Variants in NR2E3 observed in about 807,000 individuals in gnomAD.
The protein encoded by NR2E3 is nuclear receptor subfamily 2 group E member 3.
NR2E3 carries 38 observed loss-of-function variants against 37.6 expected under a neutral mutation model. That is an observed-to-expected ratio of 1.01 (90% CI 0.78 to 1.33). NR2E3 has a LOEUF of 1.33. NR2E3 is among the 40% of genes most tolerant of loss of function. NR2E3 has a pLI of 0.00. For missense variants in NR2E3, 562 were observed against 558.7 expected, an observed-to-expected ratio of 1.01 and a Z score of -0.06; for synonymous variants, 235 against 225.1, an observed-to-expected ratio of 1.04 and a Z score of -0.39.
At position 71,812,482 on chromosome 15, in the gene NR2E3, G is replaced by A; in HGVS notation, c.718G>A (p.Val240Met). The A allele has an allele frequency of 1.2e-6, 2 of 1,613,162 alleles. No individual in the cohort carries two copies. The highest frequency in any genetic ancestry group is 1.7e-4 in the Middle Eastern group (1 of 6,058). The change falls in exon 5 of 8, where the codon GTG (valine) becomes ATG (methionine). Residue 240 changes from valine to methionine, a missense_variant. Coordinates refer to ENST00000617575, the MANE Select transcript of NR2E3 (RefSeq NM_014249.4). ...MAVKWAKNLP[V>M]FSSLPFRDQV... Reference sequence around the variant, plus strand: ...CGTCAAGTGGGCCAAGAACCTGCCTGTGTTCTCCAGCCTGCCCTTCCGGGA... The same window carrying A: ...CGTCAAGTGGGCCAAGAACCTGCCTATGTTCTCCAGCCTGCCCTTCCGGGA...
chr15:71,811,623 G>T lies in NR2E3; in HGVS notation c.245+14G>T. ...GCTCATCTACAGGTGAGTGCGGTGG[G>T]CCCTGCTGGGCGTCTGCCCCTGAGG... On this transcript the variant is annotated intron_variant, in intron 2 of 7. Coordinates refer to ENST00000617575, the MANE Select transcript of NR2E3 (RefSeq NM_014249.4). This position sits in a 1 kb window ranked among gnomAD's most constrained non-coding sequence, Gnocchi z 5.6. The T allele has an allele frequency of 1.3e-6, 2 of 1,599,604 alleles. No individual in the cohort carries two copies. Among genetic ancestry groups the T allele is most frequent in the Admixed American group, 1.7e-5 (1 of 57,792 alleles).
intron 4 of NR2E3, 23 bp downstream of exon 4, chr15:71,812,199 G>A (rs1443309215): frequency 6.3e-7 from 1 of 1,598,356 alleles, no homozygotes; most frequent in Non-Finnish European, 8.5e-7. Flanking sequence ...GCAGCTGAGG[G>A]CACAGCAGGG....
chr15:71,812,332 A>G lies in NR2E3; in HGVS notation c.572-4A>G. On this transcript the variant is annotated splice_polypyrimidine_tract_variant and splice_region_variant and intron_variant, in intron 4 of 7. Transcript: ENST00000617575. ...GCTAAGATCACAACCTCCTCCTCCAACAGCTGATGAGAATATTGATGTCAC... is the reference window on the plus strand; with the variant it reads ...GCTAAGATCACAACCTCCTCCTCCAGCAGCTGATGAGAATATTGATGTCAC... 1.2e-6 allele frequency: 2 copies of G among 1,613,564 alleles called. No individual in the cohort carries two copies. The highest frequency in any genetic ancestry group is 1.7e-6 in the Non-Finnish European group (2 of 1,179,752).
At position 71,812,519 on chromosome 15, in the gene NR2E3, C is replaced by T. The variant is rs372609616; in HGVS notation, c.747+8C>T. On this transcript the variant is annotated splice_region_variant and intron_variant, in intron 5 of 7. Coordinates refer to ENST00000617575, the MANE Select transcript of NR2E3 (RefSeq NM_014249.4). ...CTGCCCTTCCGGGATCAGGTACCTA[C>T]CGGCCTGCCTGCTGGGGAGCTAGGC... is the stretch of plus-strand genomic sequence containing the variant. 2.3e-5 allele frequency: 36 copies of T among 1,599,716 alleles called. No homozygotes were observed. Among genetic ancestry groups the T allele is most frequent in the South Asian group, 1.0e-4 (9 of 88,652 alleles).
rs1278324519 is a variant in NR2E3, at chr15:71,817,682, T to G, written c.1231T>G (p.Ter411GluextTer5). 3 of 1,595,922 alleles carry G rather than the reference T, an allele frequency of 1.9e-6. No individual in the cohort carries two copies. Among genetic ancestry groups the G allele is most frequent in the Non-Finnish European group, 2.6e-6 (3 of 1,165,178 alleles). ...GCTCCTTTGTGATATGTTCAAAAAC[T>G]AGTGGGGGTGGAGGTGAAATGTTTC... is the stretch of plus-strand genomic sequence containing the variant. ...EKLLCDMFKN[*>E] Residue 411 changes from the stop codon to glutamate (E), a stop_lost, in exon 8 of 8, where the codon TAG (stop) becomes GAG (glutamate). Transcript: ENST00000617575.
Position 71,813,051 on chromosome 15 carries a change from G to A in NR2E3, c.748-338G>A, listed in dbSNP as rs1402053060. On this transcript the variant is annotated intron_variant, in intron 5 of 7. Transcript: ENST00000617575. The surrounding 1 kb of genome is among the most constrained non-coding windows in gnomAD (Gnocchi z 4.7). ...CCTCAGCCAGTCTGTGTGCTGGGGT[G>A]GAGCAACTCAGAAGAGTCAGGCCAC... Among the ~76,000 whole-genome samples, 2 of 152,204 alleles carry A rather than the reference G, an allele frequency of 1.3e-5. No individual in the cohort carries two copies. Among genetic ancestry groups the A allele is most frequent in the African/African-American group, 2.4e-5 (1 of 41,456 alleles).
chr15:71,817,466 C>G (rs1291750524), intron 7 of NR2E3, 86 bp from the exon 8 acceptor site: 1 of 1,478,696 alleles, frequency 6.8e-7, no homozygotes, highest in Non-Finnish European at 9.1e-7. Context: ...CTCCTTCCTC[C>G]CCTCCCTTTC....
At position 71,811,850 on chromosome 15, in the gene NR2E3, G is replaced by A; in HGVS notation, c.330G>A (p.Gln110=). Residue 110 remains glutamine (Q), a synonymous_variant, in exon 3 of 8, where the codon CAG becomes CAA. Transcript: ENST00000617575. The surrounding 1 kb of genome is among the most constrained non-coding windows in gnomAD (Gnocchi z 5.6). Reference sequence around the variant, plus strand: ...CCTGCCGGCTGAAGAAGTGCCTGCAGGCGGGGATGAACCAGGACGGTGAGG... The same window carrying A: ...CCTGCCGGCTGAAGAAGTGCCTGCAAGCGGGGATGAACCAGGACGGTGAGG... The part of the protein sequence containing the change: ...CQACRLKKCL[Q]AGMNQDAVQN... The A allele has an allele frequency of 6.4e-7, 1 of 1,551,374 alleles. No individual in the cohort carries two copies. Among genetic ancestry groups the A allele is most frequent in the Non-Finnish European group, 8.7e-7 (1 of 1,147,002 alleles).
At chr15:71,817,300 A>G (rs1437123501) in intron 7 of NR2E3, among the ~76,000 whole-genome samples, 1 of 151,790 alleles carries the variant, frequency 6.6e-6, no homozygotes, top group African/African-American at 2.4e-5. Flanking sequence ...GGGTTTCACC[A>G]TGTTAGCCAG....
In NR2E3 at chr15:71,813,512, GGCC is replaced by G; in HGVS notation, c.873_875del (p.Arg292del). 1 of 1,613,168 alleles carries G rather than the reference GGCC, an allele frequency of 6.2e-7. No homozygotes were observed. Among genetic ancestry groups the G allele is most frequent in the South Asian group, 1.1e-5 (1 of 90,910 alleles). ...GGCCTCTGCTGCCGGTGGTGCCCAG[GGCC>G]GGCTCACGCTGGCCAGCATGGAGAC... On this transcript the variant is annotated inframe_deletion, in exon 6 of 8. Transcript: ENST00000617575. The surrounding 1 kb of genome is among the most constrained non-coding windows in gnomAD (Gnocchi z 4.7).
intron 7 of NR2E3, 24 bp from the exon 8 acceptor site, chr15:71,817,528 G>T (rs2054236320): frequency 6.4e-7 from 1 of 1,570,082 alleles, no homozygotes; most frequent in African/African-American, 1.3e-5. Context: ...TCGTAAAACT[G>T]ATGGCGTCCT....
chr15:71,817,398 T>C, intron 7 of NR2E3, 154 bp from the exon 8 acceptor site: 1 of 1,018,966 alleles, frequency 9.8e-7, no homozygotes, highest in Non-Finnish European at 1.4e-6. Flanking sequence ...ACGCCTGGCC[T>C]GAATGTGGCT....
Position 71,811,464 on chromosome 15 carries a change from C to T in NR2E3, c.119-19C>T, listed in dbSNP as rs1207348000. 1.1e-5 allele frequency: 17 copies of T among 1,551,504 alleles called. No homozygotes were observed. The East Asian group carries it at 2.2e-4, about 20-fold the overall frequency. ...CGGCCCAGCCCTGCCCTGGCCCAGCCCTGCCCCCTGCCCCTCAGGCGTGAG... is the reference window on the plus strand; with the variant it reads ...CGGCCCAGCCCTGCCCTGGCCCAGCTCTGCCCCCTGCCCCTCAGGCGTGAG... On this transcript the variant is annotated intron_variant, in intron 1 of 7. Coordinates refer to ENST00000617575, the MANE Select transcript of NR2E3 (RefSeq NM_014249.4). This position sits in a 1 kb window ranked among gnomAD's most constrained non-coding sequence, Gnocchi z 5.6.
chr15:71,811,366 C>A lies in NR2E3; in HGVS notation c.119-117C>A. 2.1e-6 allele frequency: 2 copies of A among 958,252 alleles called. No homozygotes were observed. Among genetic ancestry groups the A allele is most frequent in the Non-Finnish European group, 1.6e-6 (1 of 644,824 alleles). 59.4% of individuals were successfully genotyped at this position (958,252 alleles called of 1,614,324 possible). A position where few individuals can be genotyped will look rare whatever the true frequency, so the allele number is the denominator to read the frequency against. ...TGGAAGAGTCACGCGTGGGTTCGTT[C>A]AAATGCGGGTGAGCGGGGCCTGAGG... On this transcript the variant is annotated intron_variant, in intron 1 of 7. Transcript: ENST00000617575. The surrounding 1 kb of genome is among the most constrained non-coding windows in gnomAD (Gnocchi z 5.6).
In NR2E3 at chr15:71,812,445, A is replaced by G; in HGVS notation, c.681A>G (p.Leu227=). The G allele has an allele frequency of 6.2e-7, 1 of 1,613,054 alleles. No individual in the cohort carries two copies. The highest frequency in any genetic ancestry group is 1.3e-5 in the African/African-American group (1 of 74,688). ...LDSIHETSAR[L]LFMAVKWAKN... is the part of the protein sequence containing the mutation. The stretch of plus-strand genomic sequence containing the variant: ...GCATCCATGAGACCTCGGCTCGCCT[A>G]CTCTTCATGGCCGTCAAGTGGGCCA... Residue 227 remains leucine, a synonymous_variant, in exon 5 of 8, where the codon CTA becomes CTG. Transcript: ENST00000617575.
chr15:71,813,956 C>T lies in NR2E3; in HGVS notation c.995-56C>T. 1.3e-6 allele frequency: 2 copies of T among 1,570,642 alleles called. No homozygotes were observed. Among genetic ancestry groups the T allele is most frequent in the South Asian group, 2.3e-5 (2 of 85,396 alleles). ...GAACCCTGGGCCACCACTTCATGGC[C>T]AGCCTTATAACAGCCGTAAACCTGT... On this transcript the variant is annotated intron_variant, in intron 6 of 7. Coordinates refer to ENST00000617575, the MANE Select transcript of NR2E3 (RefSeq NM_014249.4). This position sits in a 1 kb window ranked among gnomAD's most constrained non-coding sequence, Gnocchi z 4.7.
chr15:71,817,547 T>C lies in NR2E3; in HGVS notation c.1101-5T>C, dbSNP rs751080250. ...AAAACTGATGGCGTCCTCTCTCCTG[T>C]TCAGGTTTGGGAAATTGCTCCTGCT... On this transcript the variant is annotated splice_polypyrimidine_tract_variant and splice_region_variant and intron_variant, in intron 7 of 7. Transcript: ENST00000617575. 4 of 1,588,272 alleles carry C rather than the reference T, an allele frequency of 2.5e-6. No individual in the cohort carries two copies. Among genetic ancestry groups the C allele is most frequent in the Non-Finnish European group, 3.4e-6 (4 of 1,159,692 alleles).
chr15:71,811,694 CAAAAATGTCCAAGCCCATGGCT>C lies in NR2E3; in HGVS notation c.246-71_246-50del. The C allele has an allele frequency of 6.4e-7, 1 of 1,551,184 alleles. No individual in the cohort carries two copies. Among genetic ancestry groups the C allele is most frequent in the Non-Finnish European group, 8.7e-7 (1 of 1,145,590 alleles). Reference sequence around the variant, plus strand: ...GTGCTCAGGGGAAGAGGGGCTTGGGCAAAAATGTCCAAGCCCATGGCTCAGGGCATGGGAGGGACACTGACCC... The same window carrying C: ...GTGCTCAGGGGAAGAGGGGCTTGGGCCAGGGCATGGGAGGGACACTGACCC... On this transcript the variant is annotated intron_variant, in intron 2 of 7. Coordinates refer to ENST00000617575, the MANE Select transcript of NR2E3 (RefSeq NM_014249.4). The surrounding 1 kb of genome is among the most constrained non-coding windows in gnomAD (Gnocchi z 5.6).
rs1448259971 is a variant in NR2E3 at position 71,812,196 on chromosome 15, A to G, written c.571+20A>G. ...AGGATGGTGAGTGGGAGAGCAGCTG[A>G]GGGCACAGCAGGGCTTGGCTTCCCG... On this transcript the variant is annotated intron_variant, in intron 4 of 7. Transcript: ENST00000617575. 3 of 1,597,498 alleles carry G rather than the reference A, an allele frequency of 1.9e-6. No homozygotes were observed. Among genetic ancestry groups the G allele is most frequent in the Non-Finnish European group, 2.6e-6 (3 of 1,172,006 alleles).
Sources: allele counts gnomAD v4.1 joint callset (sites outside exome capture counted in the v4.1 genomes callset), GRCh38; gene constraint gnomAD v4.1.1; non-coding constraint Gnocchi (gnomAD v3.1); transcripts MANE v1.5; gene names NCBI Gene and HGNC (gene_info 2026-07-23, HGNC 2026-07-21).